The following EYS variants were observed in gnomAD, a reference collection of about 807,000 sequenced individuals.
The protein encoded by EYS is protein eyes shut homolog.
A neutral mutation model predicts 282.1 loss-of-function variants in EYS; 250 were observed. That is an observed-to-expected ratio of 0.89 (90% CI 0.80 to 0.98). The LOEUF (loss-of-function observed/expected upper bound fraction) is 0.98, where lower values mean the gene tolerates loss of function less well. Among genes scored for constraint, EYS ranks in the 50% least tolerant of loss-of-function variants. The pLI is 0.00. For missense variants in EYS, 4,016 were observed against 3,709.0 expected (o/e 1.08, Z -2.15); for synonymous variants, 1,355 against 1,282.9 (o/e 1.06, Z -1.20).
chr6:65,319,155 T>C (rs2150304144), intron 11 of EYS, among the ~76,000 whole-genome samples: 1 of 129,404 alleles, frequency 7.7e-6, no homozygotes, highest in African/African-American at 3.0e-5. Flanking sequence ...GGTCAGGAGT[T>C]CGAGACCAAA....
At chr6:64,990,569 T>A (rs964275608) in intron 14 of EYS, among the ~76,000 whole-genome samples, 2 of 151,658 alleles carry the variant, frequency 1.3e-5, no homozygotes, top group African/African-American at 2.4e-5. Context: ...TAGTATTCAA[T>A]CAGTTCTAAA....
intron 14 of EYS, among the ~76,000 whole-genome samples, chr6:64,974,415 T>C (rs1770405250): frequency 1.3e-5 from 2 of 151,750 alleles, no homozygotes; most frequent in Non-Finnish European, 2.9e-5. Flanking sequence ...AAATGATGGA[T>C]TCTTGAGTTC....
Position 65,702,205 on chromosome 6 carries a change from C to CT in EYS, c.-448+4929dup, listed in dbSNP as rs1330008051. 7.2e-5 allele frequency among the ~76,000 whole-genome samples: 10 copies of CT among 138,294 alleles called. No homozygotes were observed. In the East Asian group the frequency reaches 1.2e-3, roughly 16 times the overall value. 90.7% of individuals were successfully genotyped at this position (138,294 alleles called of 152,430 possible). A position where few individuals can be genotyped will look rare whatever the true frequency, so the allele number is the denominator to read the frequency against. ...TATTTTCTTTCAAAAATAAAAGAAT[C>CT]TTTTTTTCTCATTACATTTTATTTG... On this transcript the variant is annotated intron_variant, in intron 1 of 42. Transcript: ENST00000503581.
intron 33 of EYS, among the ~76,000 whole-genome samples, chr6:64,012,295 T>C (rs1332766208): frequency 1.3e-5 from 2 of 152,122 alleles, no homozygotes; most frequent in East Asian, 1.9e-4. Flanking sequence ...ACATTTAAGA[T>C]AGAAAGAGGG....
intron 5 of EYS, among the ~76,000 whole-genome samples, chr6:65,419,406 A>C (rs1238540465): frequency 6.6e-6 from 1 of 151,942 alleles, no homozygotes; most frequent in Non-Finnish European, 1.5e-5. Flanking sequence ...CACACAAATA[A>C]ATTTATAGTG....
At chr6:64,123,513 C>T (rs572115822) in intron 31 of EYS, among the ~76,000 whole-genome samples, 7 of 152,286 alleles carry the variant, frequency 4.6e-5, no homozygotes, top group Admixed American at 2.6e-4. Flanking sequence ...GACTGCAGCA[C>T]AGGAGGTGTG....
chr6:65,133,763 G>A (rs1432541850), intron 12 of EYS, among the ~76,000 whole-genome samples: 1 of 151,932 alleles, frequency 6.6e-6, no homozygotes, highest in Non-Finnish European at 1.5e-5. Context: ...GCAAAAAAGA[G>A]ACAAATGGGA....
rs794727670 is a variant in EYS at position 63,726,614 on chromosome 6, T to C, written c.8138A>G (p.His2713Arg). Residue 2713 changes from histidine to arginine, a missense_variant, in exon 42 of 43, where the codon CAT (histidine) becomes CGT (arginine). By Grantham distance (29) the His-to-Arg change is conservative. Transcript: ENST00000503581. ...ELSWMSFASF[H>R]VRKKTHIQLQ... is the part of the protein sequence containing the mutation. ...TTGAATATGTGTCTTTTTTCGAACA[T>C]GAAAGGAAGCAAAAGACATCCAGGA... 1.9e-6 allele frequency: 3 copies of C among 1,551,168 alleles called. No homozygotes were observed. Among genetic ancestry groups the C allele is most frequent in the African/African-American group, 2.7e-5 (2 of 73,100 alleles).
chr6:64,009,093 G>T (rs1055158840), intron 33 of EYS, among the ~76,000 whole-genome samples: 5 of 152,042 alleles, frequency 3.3e-5, no homozygotes, highest in African/African-American at 1.2e-4. Context: ...TGCTCTTTCA[G>T]GGATGCCAAT....
intron 40 of EYS, among the ~76,000 whole-genome samples, chr6:63,767,583 C>T (rs1769819425): frequency 6.6e-6 from 1 of 151,920 alleles, no homozygotes; most frequent in Admixed American, 6.6e-5. Context: ...TCAGAGATAA[C>T]ACAAACAAAT....
intron 31 of EYS, among the ~76,000 whole-genome samples, chr6:64,156,978 T>G (rs1241914391): frequency 1.3e-5 from 2 of 152,078 alleles, no homozygotes; most frequent in African/African-American, 4.8e-5. Context: ...TGTGCTATGC[T>G]GGTGCGCTGC....
intron 18 of EYS, among the ~76,000 whole-genome samples, chr6:64,893,407 A>G (rs974692301): frequency 2.0e-5 from 3 of 152,098 alleles, no homozygotes; most frequent in African/African-American, 7.2e-5. Context: ...TGTTTTTAAT[A>G]CGTTTTTTGT....
At chr6:64,023,027 A>T (rs1769267036) in intron 33 of EYS, among the ~76,000 whole-genome samples, 1 of 152,222 alleles carries the variant, frequency 6.6e-6, no homozygotes, top group Non-Finnish European at 1.5e-5. Flanking sequence ...TTCTCTAGCC[A>T]CTGGTAACCT....
chr6:65,122,665 T>C (rs1775595087), intron 12 of EYS, among the ~76,000 whole-genome samples: 1 of 152,120 alleles, frequency 6.6e-6, no homozygotes, highest in Non-Finnish European at 1.5e-5. Flanking sequence ...TTATAAAATG[T>C]GGAATAATTA....
intron 29 of EYS, among the ~76,000 whole-genome samples, chr6:64,339,869 A>G (rs1404119268): frequency 6.6e-6 from 1 of 151,720 alleles, no homozygotes; most frequent in Non-Finnish European, 1.5e-5. Flanking sequence ...AGGCATAGGA[A>G]TGATACAGTG....
intron 35 of EYS, among the ~76,000 whole-genome samples, chr6:63,885,782 T>C (rs1299460440): frequency 6.6e-6 from 1 of 152,106 alleles, no homozygotes. Context: ...ATATTCCCTT[T>C]GCAAGAACTT....
chr6:64,695,780 T>C (rs1191405350), intron 22 of EYS, among the ~76,000 whole-genome samples: 1 of 152,018 alleles, frequency 6.6e-6, no homozygotes, highest in Non-Finnish European at 1.5e-5. Context: ...AGATGGGGTT[T>C]CACTATGTTG....
At chr6:64,092,185 T>C (rs1245231844) in intron 31 of EYS, among the ~76,000 whole-genome samples, 1 of 152,232 alleles carries the variant, frequency 6.6e-6, no homozygotes, top group African/African-American at 2.4e-5. Flanking sequence ...AAGTCTTTGC[T>C]ATTGTGAATA....
At chr6:64,382,822 TA>T (rs1413178121) in intron 29 of EYS, among the ~76,000 whole-genome samples, 1 of 152,116 alleles carries the variant, frequency 6.6e-6, no homozygotes, top group Non-Finnish European at 1.5e-5. Flanking sequence ...AGGGCAGGAA[TA>T]CATAGATGCA....
Sources: gnomAD v4.1 joint callset for allele counts (sites outside exome capture counted in the v4.1 genomes callset) on GRCh38, gnomAD v4.1.1 for gene constraint, MANE v1.5 for transcripts, NCBI Gene and HGNC (gene_info 2026-07-23, HGNC 2026-07-21) for gene names.